ADAR: variants seen among roughly 807,000 people sequenced by gnomAD.
ADAR encodes the protein double-stranded RNA-specific adenosine deaminase.
ADAR carries 41 observed loss-of-function variants against 113.2 expected under a neutral mutation model. The ratio of observed to expected loss-of-function variants is 0.36; its 90% CI spans 0.28 to 0.47. The LOEUF (loss-of-function observed/expected upper bound fraction) is 0.47. ADAR is among the 20% of genes least tolerant of loss of function. ADAR has a pLI of 1.00. For missense variants in ADAR, 1,242 were observed against 1,540.9 expected (o/e 0.81, Z 3.25); for synonymous variants, 605 against 572.6 (o/e 1.06, Z -0.81).
At chr1:154,590,493 G>C (rs1461018343) in intron 6 of ADAR, 84 bp from the exon 7 acceptor site, 1 of 1,338,436 alleles carries the variant, frequency 7.5e-7, no homozygotes, top group Non-Finnish European at 1.1e-6. Flanking sequence ...TGAAGATGTG[G>C]CCAGTCTTGC....
chr1:154,595,754 T>A (rs1398342795), intron 6 of ADAR, among the ~76,000 whole-genome samples: 1 of 152,252 alleles, frequency 6.6e-6, no homozygotes, highest in South Asian at 2.1e-4. Flanking sequence ...AAGTGAACAG[T>A]GTTTACAAAG....
chr1:154,587,577 G>C (rs1034860004), intron 11 of ADAR, among the ~76,000 whole-genome samples: 2 of 152,148 alleles, frequency 1.3e-5, no homozygotes, highest in Admixed American at 6.5e-5. Flanking sequence ...AAGGTTTCAG[G>C]ACCACCATGA....
chr1:154,590,023 G>A, intron 7 of ADAR, 95 bp from the exon 8 acceptor site: 1 of 1,544,210 alleles, frequency 6.5e-7, no homozygotes, highest in East Asian at 2.3e-5. Context: ...CTTGTCGTGT[G>A]AGTCATCTTT....
intron 9 of ADAR, among the ~76,000 whole-genome samples, chr1:154,589,084 A>C (rs1020347602): frequency 1.3e-5 from 2 of 152,258 alleles, no homozygotes; most frequent in African/African-American, 4.8e-5. Flanking sequence ...CCTGAGGACT[A>C]AAAGGTCATT....
upstream of ADAR, chr1:154,608,614 T>C (rs1206531647): frequency 6.6e-6 from 1 of 152,140 alleles, no homozygotes; most frequent in Non-Finnish European, 1.5e-5. Flanking sequence ...AGTGTTGGGA[T>C]TACAGGCGTC....
chr1:154,606,947 A>AAAATAT (rs1553214982), intron 1 of ADAR, among the ~76,000 whole-genome samples: 1,616 of 148,486 alleles, frequency 0.011, 14 homozygotes, highest in Non-Finnish European at 0.015. Context: ...AAAAAAAAAA[A>AAAATAT]ATATATATAT....
chr1:154,588,264 A>T lies in ADAR; in HGVS notation c.2886-6T>A. 1 of 1,614,178 alleles carries T rather than the reference A, an allele frequency of 6.2e-7. No homozygotes were observed. Among genetic ancestry groups the T allele is most frequent in the Non-Finnish European group, 8.5e-7 (1 of 1,180,038 alleles). On this transcript the variant is annotated splice_polypyrimidine_tract_variant and splice_region_variant and intron_variant, in intron 10 of 14. Transcript: ENST00000368474. ...CATCTCCACACGGAGCAGTGCTGAA[A>T]AACAGGGGTGGCTGTTAAAACTCAC...
At chr1:154,594,543 C>T (rs1449238463) in intron 6 of ADAR, among the ~76,000 whole-genome samples, 1 of 152,206 alleles carries the variant, frequency 6.6e-6, no homozygotes, top group Non-Finnish European at 1.5e-5. Flanking sequence ...CTGACTCCCG[C>T]ATCCCAAAGT....
chr1:154,598,573 C>G lies in ADAR; in HGVS notation c.1614G>C (p.Gln538His). 6.2e-7 allele frequency: 1 copy of G among 1,614,190 alleles called. No homozygotes were observed. Among genetic ancestry groups the G allele is most frequent in the Non-Finnish European group, 8.5e-7 (1 of 1,180,034 alleles). The change falls in exon 3 of 15, where the codon CAG becomes CAC. Residue 538 changes from glutamine (Q) to histidine (H), a missense_variant. Physicochemically the swap from Gln to His is conservative, Grantham distance 24 (BLOSUM62 0). Coordinates refer to ENST00000368474, the MANE Select transcript of ADAR (RefSeq NM_001111.5). ...GPPHEPRFKF[Q>H]VVINGREFPP... ...GAAACTCTCGGCCATTGATGACAAC[C>G]TGGAATTTAAATCTTGACGGAAAGT...
In ADAR at chr1:154,588,261, G is replaced by GA; in HGVS notation, c.2886-4dup. On this transcript the variant is annotated splice_polypyrimidine_tract_variant and splice_region_variant and intron_variant, in intron 10 of 14. Coordinates refer to ENST00000368474, the MANE Select transcript of ADAR (RefSeq NM_001111.5). ...CGCCATCTCCACACGGAGCAGTGCT[G>GA]AAAAACAGGGGTGGCTGTTAAAACT... 2 of 1,614,152 alleles carry GA rather than the reference G, an allele frequency of 1.2e-6. No homozygotes were observed. Among genetic ancestry groups the GA allele is most frequent in the Non-Finnish European group, 1.7e-6 (2 of 1,180,034 alleles).
At chr1:154,617,700 G>GT (rs1162088207) in intron 1 of ADAR, among the ~76,000 whole-genome samples, 1 of 152,138 alleles carries the variant, frequency 6.6e-6, no homozygotes, top group African/African-American at 2.4e-5. Flanking sequence ...GAATTACAGT[G>GT]TAAGTATACA....
chr1:154,591,006 G>A (rs1291182108), intron 6 of ADAR, among the ~76,000 whole-genome samples: 1 of 152,022 alleles, frequency 6.6e-6, no homozygotes, highest in Non-Finnish European at 1.5e-5. Flanking sequence ...TACTAGGTAT[G>A]AAAAAAGAGA....
At chr1:154,604,751 A>T (rs1395303224) in intron 1 of ADAR, among the ~76,000 whole-genome samples, 1 of 152,080 alleles carries the variant, frequency 6.6e-6, no homozygotes, top group Non-Finnish European at 1.5e-5. Context: ...TCAGTCTCCA[A>T]GGTTTTAAGG....
At chr1:154,586,090 G>C (rs1166172223) in intron 12 of ADAR, 91 bp downstream of exon 12, 2 of 1,504,538 alleles carry the variant, frequency 1.3e-6, no homozygotes, top group Middle Eastern at 2.2e-4. Flanking sequence ...CTTTGATAAG[G>C]GAGACAAAAC....
intron 1 of ADAR, among the ~76,000 whole-genome samples, chr1:154,622,745 C>T (rs1439259368): frequency 1.3e-5 from 2 of 152,216 alleles, no homozygotes; most frequent in African/African-American, 2.4e-5. Flanking sequence ...AGAAGTGTAT[C>T]TATCATGCAG....
intron 1 of ADAR, among the ~76,000 whole-genome samples, chr1:154,621,096 C>T (rs758811209): frequency 6.6e-6 from 1 of 152,010 alleles, no homozygotes; most frequent in Non-Finnish European, 1.5e-5. Context: ...GCAAGCTGTT[C>T]GCTATTCTGA....
intron 6 of ADAR, among the ~76,000 whole-genome samples, chr1:154,593,147 A>AAC (rs1417860145): frequency 2.6e-5 from 4 of 151,402 alleles, no homozygotes; most frequent in Admixed American, 2.0e-4. Flanking sequence ...AAAAAAAAAA[A>AAC]AAAAAAAAAC....
At chr1:154,625,123 A>T (rs1698897851) in intron 1 of ADAR, among the ~76,000 whole-genome samples, 1 of 152,172 alleles carries the variant, frequency 6.6e-6, no homozygotes, top group Non-Finnish European at 1.5e-5. Context: ...CTGGGTGAAA[A>T]GGCCAAACCT....
chr1:154,615,578 T>TA (rs1698611845), intron 1 of ADAR, among the ~76,000 whole-genome samples: 2 of 151,960 alleles, frequency 1.3e-5, no homozygotes, highest in Admixed American at 6.6e-5. Context: ...CTTGGCTAAT[T>TA]AAAAAAATTT....
Sources: gnomAD v4.1 joint callset for allele counts (sites outside exome capture counted in the v4.1 genomes callset) on GRCh38, gnomAD v4.1.1 for gene constraint, MANE v1.5 for transcripts, NCBI Gene and HGNC (gene_info 2026-07-23, HGNC 2026-07-21) for gene names.